Variants in SLC24A2 observed in about 807,000 individuals in gnomAD.
SLC24A2 encodes solute carrier family 24 member 2, also known as sodium/potassium/calcium exchanger 2.
SLC24A2 carries 36 observed loss-of-function variants against 62.0 expected under a neutral mutation model. The observed-to-expected ratio is 0.58, with a 90% confidence interval of 0.44 to 0.77. SLC24A2 has a LOEUF of 0.77. SLC24A2 is among the 30% of genes least tolerant of loss of function. SLC24A2 has a pLI of 0.00. For synonymous variants in SLC24A2, 358 were observed against 294.0 expected, an observed-to-expected ratio of 1.22 and a Z score of -2.23; for missense variants, 846 against 817.9, an observed-to-expected ratio of 1.03 and a Z score of -0.42.
chr9:19,719,096 G>A (rs1820949122), intron 2 of SLC24A2, among the ~76,000 whole-genome samples: 3 of 152,164 alleles, frequency 2.0e-5, no homozygotes, highest in South Asian at 4.2e-4. Flanking sequence ...AGGCTCCTGA[G>A]GAATCTTCCT....
At chr9:20,140,743 C>T in the SLC24A2 span, among the ~76,000 whole-genome samples, 1 of 152,062 alleles carries the variant, frequency 6.6e-6, no homozygotes, top group East Asian at 1.9e-4. Context: ...CCACCCACAA[C>T]CCCCCACTTC....
At chr9:19,677,248 C>T (rs1274130618) in intron 2 of SLC24A2, among the ~76,000 whole-genome samples, 2 of 152,138 alleles carry the variant, frequency 1.3e-5, no homozygotes, top group Admixed American at 6.6e-5. Context: ...ACTCTGCAGT[C>T]GTAAAAAAGA....
intron 2 of SLC24A2, among the ~76,000 whole-genome samples, chr9:19,732,001 G>C (rs537494351): frequency 6.6e-6 from 1 of 152,298 alleles, no homozygotes; most frequent in South Asian, 2.1e-4. Flanking sequence ...TGAAAACATG[G>C]AGGAGAAGCA....
At chr9:20,285,336 T>C in the SLC24A2 span, among the ~76,000 whole-genome samples, 1 of 152,220 alleles carries the variant, frequency 6.6e-6, no homozygotes, top group Non-Finnish European at 1.5e-5. Flanking sequence ...TGTGTGATTA[T>C]GAAGGTTGGC....
chr9:19,753,752 G>C (rs979413717), intron 2 of SLC24A2, among the ~76,000 whole-genome samples: 5 of 152,094 alleles, frequency 3.3e-5, no homozygotes, highest in African/African-American at 9.7e-5. Context: ...GTATGTACTA[G>C]TGAGAAAAGC....
At chr9:20,231,883 G>A in the SLC24A2 span, among the ~76,000 whole-genome samples, 1 of 152,142 alleles carries the variant, frequency 6.6e-6, no homozygotes, top group South Asian at 2.1e-4. Flanking sequence ...GTCATAGATA[G>A]CTCTTATTAT....
At chr9:19,945,458 G>A in the SLC24A2 span, among the ~76,000 whole-genome samples, 1 of 152,148 alleles carries the variant, frequency 6.6e-6, no homozygotes, top group Non-Finnish European at 1.5e-5. Flanking sequence ...AATGCATTTT[G>A]CATTTATCTT....
At chr9:19,950,639 C>T in the SLC24A2 span, among the ~76,000 whole-genome samples, 3 of 152,148 alleles carry the variant, frequency 2.0e-5, no homozygotes, top group Non-Finnish European at 4.4e-5. Context: ...CAGGCATTTT[C>T]CTAGGTACTT....
intron 2 of SLC24A2, among the ~76,000 whole-genome samples, chr9:19,647,506 C>T (rs2208555): frequency 0.75 from 114,843 of 152,136 alleles, 43,500 homozygotes; most frequent in East Asian, 0.86. Context: ...ACACAAGGTA[C>T]AGCAGCAAGC....
chr9:20,050,529 T>C, the SLC24A2 span, among the ~76,000 whole-genome samples: 2 of 152,222 alleles, frequency 1.3e-5, no homozygotes, highest in African/African-American at 2.4e-5. Flanking sequence ...GACAGAGGAA[T>C]AGAGACCTCA....
chr9:19,558,636 G>A (rs1050467297), intron 7 of SLC24A2, among the ~76,000 whole-genome samples: 2 of 152,148 alleles, frequency 1.3e-5, no homozygotes, highest in African/African-American at 2.4e-5. Flanking sequence ...ACTTTAGCAA[G>A]AACTGAAATA....
the SLC24A2 span, among the ~76,000 whole-genome samples, chr9:20,061,892 G>C: frequency 6.6e-6 from 1 of 151,998 alleles, no homozygotes; most frequent in Non-Finnish European, 1.5e-5. Flanking sequence ...AAATGAAAGG[G>C]CAACCCACGG....
the SLC24A2 span, among the ~76,000 whole-genome samples, chr9:19,996,736 A>T: frequency 7.8e-6 from 1 of 128,886 alleles, no homozygotes; most frequent in Non-Finnish European, 1.6e-5. Context: ...CAAGAGTGAG[A>T]CTCCGTCTCA....
At chr9:20,070,763 C>T in the SLC24A2 span, among the ~76,000 whole-genome samples, 18 of 152,308 alleles carry the variant, frequency 1.2e-4, no homozygotes, top group South Asian at 3.7e-3. Context: ...AATAGACCTT[C>T]AGAACAAGAT....
intron 2 of SLC24A2, among the ~76,000 whole-genome samples, chr9:19,679,546 T>C (rs1294590220): frequency 6.6e-6 from 1 of 152,074 alleles, no homozygotes; most frequent in Non-Finnish European, 1.5e-5. Context: ...TTTGACTCAG[T>C]AGACTGAGTA....
chr9:20,264,921 T>C, the SLC24A2 span, among the ~76,000 whole-genome samples: 1 of 152,208 alleles, frequency 6.6e-6, no homozygotes, highest in Non-Finnish European at 1.5e-5. Context: ...GGAGTCACTG[T>C]TGGACTGTTG....
the SLC24A2 span, among the ~76,000 whole-genome samples, chr9:20,012,093 G>C: frequency 6.6e-6 from 1 of 152,152 alleles, no homozygotes; most frequent in Non-Finnish European, 1.5e-5. Flanking sequence ...ATTCTCAGTG[G>C]TGAAAAGTTG....
chr9:19,837,344 C>T, the SLC24A2 span, among the ~76,000 whole-genome samples: 250 of 150,284 alleles, frequency 1.7e-3, 2 homozygotes, highest in African/African-American at 5.0e-3. Flanking sequence ...CCCAGCTACT[C>T]GGGAGGCTGA....
intron 2 of SLC24A2, among the ~76,000 whole-genome samples, chr9:19,762,800 T>TG (rs919658645): frequency 6.6e-6 from 1 of 150,990 alleles, no homozygotes. Flanking sequence ...GTGCTTTTTT[T>TG]TTTTTTTTTT....
Sources: gnomAD v4.1 joint callset for allele counts (sites outside exome capture counted in the v4.1 genomes callset) on GRCh38, gnomAD v4.1.1 for gene constraint, MANE v1.5 for transcripts, NCBI Gene and HGNC (gene_info 2026-07-23, HGNC 2026-07-21) for gene names.